Variants in WDR90 observed in about 807,000 individuals in gnomAD.
WDR90 encodes WD repeat domain 90.
A neutral mutation model predicts 195.2 loss-of-function variants in WDR90; 238 were observed. The ratio of observed to expected loss-of-function variants is 1.22; its 90% confidence interval spans 1.10 to 1.36. The LOEUF is 1.36. WDR90 is among the 40% of genes most tolerant of loss of function. The pLI is 0.00. For missense variants in WDR90, 2,734 were observed against 2,439.5 expected (o/e 1.12, Z -2.54); for synonymous variants, 1,265 against 1,052.4 (o/e 1.20, Z -3.91).
chr16:657,884 C>T lies in WDR90; in HGVS notation c.2596C>T (p.Leu866Phe), dbSNP rs767638120. 22 of 1,578,752 alleles carry T rather than the reference C, an allele frequency of 1.4e-5. No individual in the cohort carries two copies. The highest frequency in any genetic ancestry group is 1.9e-5 in the Non-Finnish European group (22 of 1,162,330). Residue 866 changes from leucine (L) to phenylalanine (F), a missense_variant, in exon 21 of 41, where the codon CTT becomes TTT. Physicochemically the swap from Leu to Phe is conservative, Grantham distance 22 (BLOSUM62 0). Coordinates refer to ENST00000293879, the MANE Select transcript of WDR90 (RefSeq NM_145294.5). The stretch of plus-strand genomic sequence containing the variant: ...AGTGACAGTCATGGGCTCGGCCTCC[C>T]TTGATGAGGTGAGTCCGCAGCCCTC... ...CTVTVMGSAS[L>F]DELLRVDIGT...
chr16:653,226 G>A, intron 10 of WDR90, 115 bp from the exon 11 acceptor site: 1 of 836,162 alleles, frequency 1.2e-6, no homozygotes, highest in Non-Finnish European at 1.8e-6. Flanking sequence ...AGGTGTGTGT[G>A]CCAGGCCTGC....
rs186112020 is a variant in WDR90, at chr16:656,846, G to A, written c.2317G>A (p.Ala773Thr). 4.2e-4 allele frequency: 677 copies of A among 1,612,916 alleles called. 2 individuals are homozygous for A. The highest frequency in any genetic ancestry group is 2.4e-3 in the African/African-American group (183 of 75,060). ...GGCCGTGCGCTCCTTCAGCCTGGAG[G>A]CCGCTGAGGTCCTGGTGGAACACAC... is the stretch of plus-strand genomic sequence containing the variant. Reference protein sequence around the residue: ...SGAVRSFSLEAAEVLVEHTCH... With the variant: ...SGAVRSFSLETAEVLVEHTCH... Residue 773 changes from alanine (A) to threonine (T), a missense_variant, in exon 19 of 41, where the codon GCC becomes ACC. Coordinates refer to ENST00000293879, the MANE Select transcript of WDR90 (RefSeq NM_145294.5).
chr16:667,677 T>C lies in WDR90; in HGVS notation c.*88T>C, dbSNP rs528298968. 43 of 1,567,056 alleles carry C rather than the reference T, an allele frequency of 2.7e-5. No homozygotes were observed. The African/African-American group carries it at 4.6e-4, about 17-fold the overall frequency. On this transcript the variant is annotated 3_prime_UTR_variant, in exon 41 of 41. Transcript: ENST00000293879. Reference sequence around the variant, plus strand: ...CTTGGCAGAGGCGCCAGGTTGTCAATGGCCTCATGCTGGGACAGGCCAGGA... The same window carrying C: ...CTTGGCAGAGGCGCCAGGTTGTCAACGGCCTCATGCTGGGACAGGCCAGGA...
chr16:652,409 G>A (rs1013779440), intron 9 of WDR90, 58 bp from the exon 10 acceptor site: 7 of 1,543,428 alleles, frequency 4.5e-6, no homozygotes, highest in Admixed American at 3.8e-5. Context: ...GGAGTTGGTC[G>A]GGCATTCTGG....
intron 30 of WDR90, 32 bp downstream of exon 30, chr16:661,533 T>G: frequency 6.4e-7 from 1 of 1,551,738 alleles, no homozygotes; most frequent in Non-Finnish European, 8.6e-7. Context: ...GGCCAGGGGC[T>G]TCCCTAGACC....
intron 10 of WDR90, 93 bp downstream of exon 10, chr16:652,628 T>C (rs893381548): frequency 3.8e-6 from 5 of 1,323,090 alleles, no homozygotes; most frequent in Admixed American, 5.5e-5. Flanking sequence ...CTATGTCCTG[T>C]GGTGGCTGTG....
rs772338031 is a variant in WDR90, at chr16:667,488, C to T, written c.5146C>T (p.His1716Tyr). 5.6e-6 allele frequency: 9 copies of T among 1,610,858 alleles called. No individual in the cohort carries two copies. The Admixed American group carries it at 1.5e-4, about 27-fold the overall frequency. Residue 1716 changes from histidine to tyrosine, a missense_variant, in exon 41 of 41, where the codon CAC (histidine) becomes TAC (tyrosine). His to Tyr is a moderately conservative substitution (Grantham distance 83, BLOSUM62 2). Transcript: ENST00000293879. Reference sequence around the variant, plus strand: ...GGGGACTGCCCAAGACTTTGCCGGCCACGACAACGCAGTGCACCTGTGCAG... The same window carrying T: ...GGGGACTGCCCAAGACTTTGCCGGCTACGACAACGCAGTGCACCTGTGCAG... ...AMGTAQDFAG[H>Y]DNAVHLCRFT...
chr16:660,585 G>C, intron 27 of WDR90, 27 bp from the exon 28 acceptor site: 1 of 1,551,512 alleles, frequency 6.4e-7, no homozygotes, highest in Non-Finnish European at 8.7e-7. Flanking sequence ...CTGGGCCCCA[G>C]CAGCATCCGG....
chr16:649,995 AGACCC>A lies in WDR90; in HGVS notation c.108_112del (p.Lys36AsnfsTer22), dbSNP rs2037608800. 2 of 1,612,580 alleles carry A rather than the reference AGACCC, an allele frequency of 1.2e-6. No individual in the cohort carries two copies. The highest frequency in any genetic ancestry group is 2.7e-5 in the African/African-American group (2 of 74,948). On this transcript the variant is annotated frameshift_variant, in exon 3 of 41. Transcript: ENST00000293879. LOFTEE classifies it high-confidence loss of function. ...TGCGGGCTCCCGCTTCTCCAGGACA[AGACCC>A]TGAAGGGCGCCGTGTATCGCATTCG...
chr16:652,168 G>A (rs577212887), intron 9 of WDR90, 129 bp downstream of exon 9: 1 of 1,175,480 alleles, frequency 8.5e-7, no homozygotes, highest in Non-Finnish European at 1.2e-6. Flanking sequence ...TCCTGGCAAG[G>A]AGCAGAGCTG....
At chr16:654,141 A>C (rs953846654) in intron 13 of WDR90, 4 of 382,674 alleles carry the variant, frequency 1.0e-5, no homozygotes, top group African/African-American at 8.3e-5. Flanking sequence ...CTTGGGCATC[A>C]ATGGCACCTC....
chr16:657,492 G>T, intron 20 of WDR90: 1 of 703,028 alleles, frequency 1.4e-6, no homozygotes, highest in South Asian at 2.0e-5. Context: ...TCAGACCCAG[G>T]CATGGGCACC....
At chr16:660,421 G>A (rs557775517) in intron 27 of WDR90, 191 bp from the exon 28 acceptor site, 22 of 657,592 alleles carry the variant, frequency 3.3e-5, no homozygotes, top group South Asian at 1.5e-4. Context: ...AGAGCCCCAC[G>A]GGCCTGTGCC....
rs1440703588 is a variant in WDR90 at position 650,558 on chromosome 16, C to A, written c.408C>A (p.Pro136=). 4 of 1,610,718 alleles carry A rather than the reference C, an allele frequency of 2.5e-6. No individual in the cohort carries two copies. The highest frequency in any genetic ancestry group is 2.5e-6 in the Non-Finnish European group (3 of 1,178,554). Residue 136 remains proline, a synonymous_variant, in exon 5 of 41, where the codon CCC becomes CCA. Transcript: ENST00000293879. ...CTGCAGATCTGGTGGGTTTGGCCCCCTCCGGAGCCCGCTGGACCTGCCTGC... is the reference window on the plus strand; with the variant it reads ...CTGCAGATCTGGTGGGTTTGGCCCCATCCGGAGCCCGCTGGACCTGCCTGC... ...TPQRDLVGLA[P]SGARWTCLQL...
intron 9 of WDR90, 29 bp from the exon 10 acceptor site, chr16:652,438 C>T: frequency 1.9e-6 from 3 of 1,586,496 alleles, no homozygotes; most frequent in Non-Finnish European, 2.6e-6. Context: ...CTGAGCCTCC[C>T]AGGACTTTGA....
At position 666,120 on chromosome 16, in the gene WDR90, C is replaced by A; in HGVS notation, c.4605C>A (p.Thr1535=). The A allele has an allele frequency of 1.2e-6, 2 of 1,609,630 alleles. No homozygotes were observed. Among genetic ancestry groups the A allele is most frequent in the Non-Finnish European group, 1.7e-6 (2 of 1,178,100 alleles). Residue 1535 remains threonine, a synonymous_variant, in exon 36 of 41, where the codon ACC becomes ACA. Coordinates refer to ENST00000293879, the MANE Select transcript of WDR90 (RefSeq NM_145294.5). ...PVALTTVAFS[T]DGQTVLSGDK... ...CGCTGACCACTGTTGCCTTCTCCAC[C>A]GATGGTGAGGAGTTGGGTGTGTTGG... is the stretch of plus-strand genomic sequence containing the variant.
intron 34 of WDR90, chr16:664,856 T>G (rs952097465): frequency 1.3e-5 from 2 of 152,182 alleles, no homozygotes; most frequent in Admixed American, 6.5e-5. Context: ...ATTTTTTGTA[T>G]TTTTAGTAGA....
At position 655,416 on chromosome 16, in the gene WDR90, C is replaced by G. The variant is rs984125940; in HGVS notation, c.1666C>G (p.Leu556Val). 1 of 1,587,234 alleles carries G rather than the reference C, an allele frequency of 6.3e-7. No individual in the cohort carries two copies. The highest frequency in any genetic ancestry group is 8.5e-7 in the Non-Finnish European group (1 of 1,171,176). ...GEHHALQFTDLAFKQARDGCP... is the reference protein window; with the variant it reads ...GEHHALQFTDVAFKQARDGCP... Reference sequence around the variant, plus strand: ...GCACCACGCGCTGCAGTTCACCGACCTGGCCTTCAAGCAGGCCCGGGACGG... The same window carrying G: ...GCACCACGCGCTGCAGTTCACCGACGTGGCCTTCAAGCAGGCCCGGGACGG... The change falls in exon 15 of 41, where the codon CTG becomes GTG. Residue 556 changes from leucine (L) to valine (V), a missense_variant. Coordinates refer to ENST00000293879, the MANE Select transcript of WDR90 (RefSeq NM_145294.5).
rs201229493 is a variant in WDR90 at position 652,523 on chromosome 16, C to T, written c.1110C>T (p.His370=). 4.2e-5 allele frequency: 68 copies of T among 1,608,774 alleles called. 1 individual carries two copies. In the East Asian group the frequency reaches 5.1e-4, roughly 12 times the overall value. ...RLKGVIGFGG[H]GTRQALWTPD... is the part of the protein sequence containing the mutation. ...AGGGCGTCATCGGCTTTGGGGGCCA[C>T]GGCACCAGACAGGTGAGGCTCCTGC... Residue 370 remains histidine (H), a synonymous_variant, in exon 10 of 41, where the codon CAC becomes CAT. Coordinates refer to ENST00000293879, the MANE Select transcript of WDR90 (RefSeq NM_145294.5).
Sources: gnomAD v4.1 joint callset for allele counts on GRCh38, gnomAD v4.1.1 for gene constraint, MANE v1.5 for transcripts, NCBI Gene and HGNC (gene_info 2026-07-23, HGNC 2026-07-21) for gene names.